The following SEMA6D variants were observed in gnomAD, a reference collection of about 807,000 sequenced individuals.
SEMA6D encodes semaphorin-6D.
SEMA6D carries 35 observed loss-of-function variants against 106.6 expected under a neutral mutation model. The observed-to-expected ratio is 0.33, with a 90% CI of 0.25 to 0.44. SEMA6D has a LOEUF of 0.44. Ranked by LOEUF, SEMA6D falls within the 20% of genes least tolerant of loss-of-function variation. The pLI is 1.00. For synonymous variants in SEMA6D, 499 were observed against 487.7 expected (o/e 1.02, Z -0.31); for missense variants, 1,185 against 1,345.9 (o/e 0.88, Z 1.87).
chr15:47,455,886 G>A (rs1047591968), intron 2 of SEMA6D, among the ~76,000 whole-genome samples: 5 of 151,882 alleles, frequency 3.3e-5, no homozygotes, highest in African/African-American at 1.2e-4. Context: ...GTTTTCATAG[G>A]ATTTGCAAAA....
chr15:47,573,154 A>G (rs2142932958), intron 3 of SEMA6D, among the ~76,000 whole-genome samples: 1 of 152,276 alleles, frequency 6.6e-6, no homozygotes, highest in East Asian at 1.9e-4. Flanking sequence ...TGAAGGCAAA[A>G]GTGAATTTGT....
At chr15:47,352,279 A>G (rs1430708314) in intron 1 of SEMA6D, among the ~76,000 whole-genome samples, 1 of 152,198 alleles carries the variant, frequency 6.6e-6, no homozygotes, top group Non-Finnish European at 1.5e-5. Context: ...ACTGATTTCC[A>G]TCAAGATGTT....
intron 3 of SEMA6D, among the ~76,000 whole-genome samples, chr15:47,500,002 C>G (rs1362720044): frequency 6.6e-6 from 1 of 152,130 alleles, no homozygotes; most frequent in East Asian, 1.9e-4. Context: ...ATGATAAGCT[C>G]AAACACTCCC....
Position 47,658,627 on chromosome 15 carries a change from C to A in SEMA6D, c.-55+57731C>A, listed in dbSNP as rs183253398. On this transcript the variant is annotated intron_variant, in intron 4 of 19. Coordinates refer to the SEMA6D transcript ENST00000558014. ...TGGTGTTGGACTGCGCAATCCTTCC[C>A]CCCTCAACTAACATCTAAACATTCA... 3.8e-4 allele frequency among the ~76,000 whole-genome samples: 58 copies of A among 152,218 alleles called. 1 individual carries two copies. The highest frequency in any genetic ancestry group is 2.4e-3 in the Admixed American group (36 of 15,296).
At chr15:47,305,121 C>G (rs2036183944) in intron 1 of SEMA6D, among the ~76,000 whole-genome samples, 1 of 152,138 alleles carries the variant, frequency 6.6e-6, no homozygotes, top group Admixed American at 6.5e-5. Context: ...TCAACTAAAT[C>G]AAATTATCTA....
intron 1 of SEMA6D, among the ~76,000 whole-genome samples, chr15:47,206,822 A>T (rs2141152407): frequency 6.6e-6 from 1 of 152,156 alleles, no homozygotes; most frequent in East Asian, 1.9e-4. Context: ...CCCACCATCC[A>T]CAGGCCGAAA....
At chr15:47,689,813 G>C (rs1376823809) in intron 4 of SEMA6D, among the ~76,000 whole-genome samples, 3 of 152,206 alleles carry the variant, frequency 2.0e-5, no homozygotes, top group Admixed American at 1.3e-4. Flanking sequence ...CTCCGCAGAG[G>C]ACTGACTTCC....
At chr15:47,612,034 T>C (rs1382615243) in intron 4 of SEMA6D, among the ~76,000 whole-genome samples, 3 of 152,176 alleles carry the variant, frequency 2.0e-5, no homozygotes, top group Non-Finnish European at 4.4e-5. Flanking sequence ...CTCCTTGGCT[T>C]TATCCTGAGT....
chr15:47,339,039 T>G (rs1225860271), intron 1 of SEMA6D: 1 of 152,138 alleles, frequency 6.6e-6, no homozygotes, highest in Non-Finnish European at 1.5e-5. Context: ...ATCATGCCTA[T>G]GTAATGCAGC....
At chr15:47,635,664 T>C (rs1397275715) in intron 4 of SEMA6D, among the ~76,000 whole-genome samples, 1 of 152,166 alleles carries the variant, frequency 6.6e-6, no homozygotes, top group Non-Finnish European at 1.5e-5. Flanking sequence ...TCCAGGTGTT[T>C]AGTAAGTATC....
At chr15:47,439,177 A>T (rs2041812353) in intron 2 of SEMA6D, among the ~76,000 whole-genome samples, 1 of 152,150 alleles carries the variant, frequency 6.6e-6, no homozygotes, top group Admixed American at 6.6e-5. Context: ...TTGCCAATTA[A>T]TGTGAGCATA....
At chr15:47,762,467 A>T (rs2082113214) in intron 8 of SEMA6D, 148 bp downstream of exon 8, 1 of 903,966 alleles carries the variant, frequency 1.1e-6, no homozygotes, top group South Asian at 1.8e-5. Context: ...GAACAGGAGC[A>T]TTGACAGGGA....
At chr15:47,573,927 A>G (rs1422532624) in intron 3 of SEMA6D, among the ~76,000 whole-genome samples, 1 of 152,232 alleles carries the variant, frequency 6.6e-6, no homozygotes, top group Non-Finnish European at 1.5e-5. Context: ...TCTGTAAGTC[A>G]ATATGTCTCT....
At chr15:47,299,547 G>A (rs2035937701) in intron 1 of SEMA6D, among the ~76,000 whole-genome samples, 1 of 152,222 alleles carries the variant, frequency 6.6e-6, no homozygotes, top group South Asian at 2.1e-4. Flanking sequence ...AGGGCTTTCA[G>A]TTAAATGAAG....
intron 1 of SEMA6D, among the ~76,000 whole-genome samples, chr15:47,229,651 A>G (rs1466244245): frequency 6.6e-6 from 1 of 152,100 alleles, no homozygotes; most frequent in African/African-American, 2.4e-5. Flanking sequence ...AAATTCTAAG[A>G]TGTCTGCAGG....
chr15:47,361,019 T>C (rs773801536), intron 1 of SEMA6D, among the ~76,000 whole-genome samples: 4 of 152,232 alleles, frequency 2.6e-5, no homozygotes, highest in Non-Finnish European at 4.4e-5. Flanking sequence ...TGAGGATTTG[T>C]TGTGGAAGCA....
At chr15:47,217,724 T>G (rs1219377784) in intron 1 of SEMA6D, among the ~76,000 whole-genome samples, 1 of 151,884 alleles carries the variant, frequency 6.6e-6, no homozygotes, top group Non-Finnish European at 1.5e-5. Flanking sequence ...TGTTATGCCA[T>G]TTTTCTGGAT....
intron 1 of SEMA6D, among the ~76,000 whole-genome samples, chr15:47,371,446 C>G (rs141177704): frequency 1.8e-3 from 277 of 152,282 alleles, no homozygotes; most frequent in African/African-American, 6.5e-3. Flanking sequence ...GTTGATCACT[C>G]TCTTCTCCCA....
chr15:47,662,988 T>C (rs1194020623), intron 4 of SEMA6D, among the ~76,000 whole-genome samples: 1 of 152,120 alleles, frequency 6.6e-6, no homozygotes, highest in Non-Finnish European at 1.5e-5. Flanking sequence ...TAGGCTATAC[T>C]ACATGTTGGC....
Sources: gnomAD v4.1 joint callset for allele counts (sites outside exome capture counted in the v4.1 genomes callset) on GRCh38, gnomAD v4.1.1 for gene constraint, MANE v1.5 for transcripts, NCBI Gene and HGNC (gene_info 2026-07-23, HGNC 2026-07-21) for gene names.